The following GIMD1 variants were observed in gnomAD, a reference collection of about 807,000 sequenced individuals.
GIMD1 encodes GTPase IMAP family member GIMD1.
In GIMD1, 14 loss-of-function variants were observed where a neutral mutation model predicts 14.9. The ratio of observed to expected loss-of-function variants is 0.94; its 90% CI spans 0.62 to 1.47. GIMD1 has a LOEUF of 1.47. Ranked by LOEUF, GIMD1 falls within the 40% of genes most tolerant of loss-of-function variation. The probability of loss-of-function intolerance (pLI) is 0.00; values close to 1 mark genes in which losing one functional copy is unlikely to be tolerated. For synonymous variants in GIMD1, 91 were observed against 90.5 expected, an observed-to-expected ratio of 1.01 and a Z score of -0.03; for missense variants, 272 against 255.3, an observed-to-expected ratio of 1.07 and a Z score of -0.44.
intron 2 of GIMD1, among the ~76,000 whole-genome samples, chr4:106,365,479 G>GA (rs1415006558): frequency 2.0e-5 from 3 of 151,742 alleles, no homozygotes; most frequent in Admixed American, 6.6e-5. Context: ...CTAGTTAAAG[G>GA]AAAAAATCTT....
chr4:106,368,511 A>G (rs936208739), intron 1 of GIMD1, among the ~76,000 whole-genome samples, 199 bp downstream of exon 1: 1 of 152,152 alleles, frequency 6.6e-6, no homozygotes, highest in Non-Finnish European at 1.5e-5. Context: ...GCTAACGTGA[A>G]CACCTTGAAG....
intron 2 of GIMD1, among the ~76,000 whole-genome samples, chr4:106,363,695 GT>G (rs1445394407): frequency 6.6e-6 from 1 of 151,882 alleles, no homozygotes; most frequent in Admixed American, 6.6e-5. Context: ...AATTAGGCTT[GT>G]TTTTTTAACT....
chr4:106,367,257 C>T lies in GIMD1; in HGVS notation c.179G>A (p.Arg60His), dbSNP rs769087374. The T allele has an allele frequency of 5.1e-5, 79 of 1,535,816 alleles. No individual in the cohort carries two copies. Among genetic ancestry groups the T allele is most frequent in the African/African-American group, 8.2e-5 (6 of 72,998 alleles). The change falls in exon 2 of 3, where the codon CGT (arginine) becomes CAT (histidine). Residue 60 changes from arginine to histidine, a missense_variant. Transcript: ENST00000638719. ...CAGGGCTACCTCTAGCCCACCTCGA[C>T]GCATGAAGCTGTGGAGGTGACAACT... ...GRSCHLHSFM[R>H]RGGLEVALQV...
At chr4:106,368,656 T>C in intron 1 of GIMD1, 54 bp downstream of exon 1, 1 of 397,938 alleles carries the variant, frequency 2.5e-6, no homozygotes, top group South Asian at 1.3e-4. Context: ...CAGGGTGTAA[T>C]GTTTTTAGAA....
chr4:106,367,850 T>C (rs370542090), intron 1 of GIMD1, among the ~76,000 whole-genome samples: 1 of 152,190 alleles, frequency 6.6e-6, no homozygotes, highest in Non-Finnish European at 1.5e-5. Flanking sequence ...TTATTCACTA[T>C]TGGAGAAGTA....
At chr4:106,367,654 G>C (rs568061009) in intron 1 of GIMD1, among the ~76,000 whole-genome samples, 25 of 152,276 alleles carry the variant, frequency 1.6e-4, no homozygotes, top group African/African-American at 5.8e-4. Context: ...AATGAGAAGG[G>C]AGAGAGAAGT....
chr4:106,359,599 T>G (rs1770585514), intron 2 of GIMD1, among the ~76,000 whole-genome samples: 1 of 151,792 alleles, frequency 6.6e-6, no homozygotes, highest in Non-Finnish European at 1.5e-5. Context: ...AAACTCTGGT[T>G]TTAAAAAATT....
intron 2 of GIMD1, among the ~76,000 whole-genome samples, chr4:106,366,840 A>G (rs1770706844): frequency 6.6e-6 from 1 of 151,696 alleles, no homozygotes; most frequent in Non-Finnish European, 1.5e-5. Context: ...GAAGGAGGTC[A>G]TAAAAATGAC....
intron 2 of GIMD1, among the ~76,000 whole-genome samples, chr4:106,365,929 A>G (rs1159139502): frequency 7.3e-6 from 1 of 137,668 alleles, no homozygotes; most frequent in African/African-American, 2.9e-5. Context: ...ACACACATGT[A>G]CACACACGTA....
At chr4:106,367,580 G>T in intron 1 of GIMD1, 143 bp from the exon 2 acceptor site, 3 of 722,518 alleles carry the variant, frequency 4.2e-6, no homozygotes, top group East Asian at 2.8e-5. Context: ...CATGGAGGAG[G>T]ACTGCTCCAC....
At chr4:106,363,554 G>A (rs1390967598) in intron 2 of GIMD1, among the ~76,000 whole-genome samples, 2 of 152,062 alleles carry the variant, frequency 1.3e-5, no homozygotes, top group African/African-American at 4.8e-5. Context: ...TAGGCACAAT[G>A]CTGAGCATGA....
intron 2 of GIMD1, among the ~76,000 whole-genome samples, chr4:106,363,895 G>C (rs981485105): frequency 2.6e-4 from 34 of 132,220 alleles, no homozygotes; most frequent in East Asian, 1.4e-3. Flanking sequence ...GGGGGGGGGG[G>C]GCGGAAATGG....
intron 2 of GIMD1, among the ~76,000 whole-genome samples, chr4:106,365,612 C>A (rs2125934630): frequency 6.6e-6 from 1 of 152,134 alleles, no homozygotes; most frequent in East Asian, 1.9e-4. Context: ...GATCTGTTCA[C>A]CATTCAGTAT....
intron 2 of GIMD1, among the ~76,000 whole-genome samples, chr4:106,365,342 T>C (rs1770680678): frequency 6.6e-6 from 1 of 152,206 alleles, no homozygotes; most frequent in South Asian, 2.1e-4. Flanking sequence ...TTTATGCTCC[T>C]GTCACCCTGA....
rs1345316727 is a variant in GIMD1 at position 106,367,443 on chromosome 4, G to C, written c.-2-6C>G. The C allele has an allele frequency of 6.6e-7, 1 of 1,520,698 alleles. No homozygotes were observed. The highest frequency in any genetic ancestry group is 2.0e-5 in the Admixed American group (1 of 50,202). 94.2% of individuals were successfully genotyped at this position (1,520,698 alleles called of 1,614,324 possible). ...CTTGTTGGGGTCTGTCATGGCTGTA[G>C]GAAAACAAAGGCATAGCACGCATAA... is the stretch of plus-strand genomic sequence containing the variant. On this transcript the variant is annotated splice_region_variant and splice_polypyrimidine_tract_variant and intron_variant, in intron 1 of 2. Coordinates refer to ENST00000638719, the MANE Select transcript of GIMD1 (RefSeq NM_001195138.2).
intron 2 of GIMD1, among the ~76,000 whole-genome samples, chr4:106,360,339 A>G (rs1770594888): frequency 1.3e-5 from 2 of 152,200 alleles, no homozygotes; most frequent in Middle Eastern, 6.8e-3. Context: ...CACAATCAGT[A>G]TATTAGGGAA....
In GIMD1 at chr4:106,368,690, A is replaced by G. The variant is rs1219223879; in HGVS notation, c.-3+20T>C. 1.0e-5 allele frequency: 4 copies of G among 398,166 alleles called. No homozygotes were observed. Among genetic ancestry groups the G allele is most frequent in the Non-Finnish European group, 1.8e-5 (4 of 225,888 alleles). The allele number at this position is 398,166 out of a possible 1,614,324, so 24.7% of individuals were successfully genotyped here. A position where few individuals can be genotyped will look rare whatever the true frequency, so the allele number is the denominator to read the frequency against. ...AAAATTAATTATTCAATCCCAATCC[A>G]TTTGCTATATTTCGCTTACCTTTTC... On this transcript the variant is annotated intron_variant, in intron 1 of 2. Coordinates refer to ENST00000638719, the MANE Select transcript of GIMD1 (RefSeq NM_001195138.2).
Position 106,367,299 on chromosome 4 carries a change from C to T in GIMD1, c.137G>A (p.Cys46Tyr), listed in dbSNP as rs1002688495. The change falls in exon 2 of 3, where the codon TGT becomes TAT. Residue 46 changes from cysteine to tyrosine, a missense_variant. Cys to Tyr is a radical substitution (Grantham distance 194, BLOSUM62 -2). Transcript: ENST00000638719. ...GTGACAACTGCGGCCCAGGCTACAA[C>T]ATGTGGTCACAGAACAGGGAGCAAA... is the stretch of plus-strand genomic sequence containing the variant. ...SSFAPCSVTT[C>Y]CSLGRSCHLH... 3 of 1,535,932 alleles carry T rather than the reference C, an allele frequency of 2.0e-6. No homozygotes were observed. Among genetic ancestry groups the T allele is most frequent in the African/African-American group, 1.4e-5 (1 of 73,030 alleles).
rs143442296 is a variant in GIMD1 at position 106,363,886 on chromosome 4, G to A, written c.393+3157C>T. ...GTAATAATACAGAATACCATAATGGGGGGGGGGGGGCGGAAATGGACCATA... is the reference window on the plus strand; with the variant it reads ...GTAATAATACAGAATACCATAATGGAGGGGGGGGGGCGGAAATGGACCATA... On this transcript the variant is annotated intron_variant, in intron 2 of 2. Coordinates refer to ENST00000638719, the MANE Select transcript of GIMD1 (RefSeq NM_001195138.2). Among the ~76,000 whole-genome samples the A allele has an allele frequency of 5.7e-5, 7 of 123,580 alleles. No homozygotes were observed. The South Asian group carries it at 1.2e-3, about 22-fold the overall frequency. The allele number at this position is 123,580 out of a possible 152,430, so 81.1% of individuals were successfully genotyped here.
Sources: allele counts gnomAD v4.1 joint callset (sites outside exome capture counted in the v4.1 genomes callset), GRCh38; gene constraint gnomAD v4.1.1; transcripts MANE v1.5; gene names NCBI Gene and HGNC (gene_info 2026-07-23, HGNC 2026-07-21).